The following BRIP1 variants were observed in gnomAD, a reference collection of about 807,000 sequenced individuals.
The protein encoded by BRIP1 is BRCA1 interacting DNA helicase 1.
BRIP1 carries 88 observed loss-of-function variants against 119.7 expected under a neutral mutation model. The ratio of observed to expected loss-of-function variants is 0.74; its 90% CI spans 0.62 to 0.88. The LOEUF (loss-of-function observed/expected upper bound fraction) is 0.88, where lower values mean the gene tolerates loss of function less well. BRIP1 is among the 40% of genes least tolerant of loss of function. The pLI, the probability that BRIP1 is intolerant of heterozygous loss-of-function variation, is 0.00. For missense variants in BRIP1, 1,259 were observed against 1,455.4 expected (o/e 0.87, Z 2.20); for synonymous variants, 443 against 496.5 (o/e 0.89, Z 1.43).
Position 61,681,357 on chromosome 17 carries a change from T to C in BRIP1, c.*1939A>G. The C allele has an allele frequency of 4.7e-6, 1 of 210,992 alleles. No homozygotes were observed. Among genetic ancestry groups the C allele is most frequent in the Non-Finnish European group, 9.6e-6 (1 of 104,022 alleles). The allele number at this position is 210,992 out of a possible 1,614,324, so 13.1% of individuals were successfully genotyped here. ...ACTCAGAATATCAACAGACATTCCT[T>C]TATAGATTCTCAAAGCACAAAGAAA... On this transcript the variant is annotated 3_prime_UTR_variant, in exon 20 of 20. Coordinates refer to ENST00000259008, the MANE Select transcript of BRIP1 (RefSeq NM_032043.3). The surrounding 1 kb of genome is among the most constrained non-coding windows in gnomAD (Gnocchi z 5.1).
chr17:61,797,720 G>T, intron 9 of BRIP1, among the ~76,000 whole-genome samples: 1 of 151,724 alleles, frequency 6.6e-6, no homozygotes, highest in East Asian at 1.9e-4. Context: ...ATATGAATGG[G>T]GTTCTATAAA....
At chr17:61,777,022 G>A (rs2077545099) in intron 13 of BRIP1, among the ~76,000 whole-genome samples, 1 of 152,098 alleles carries the variant, frequency 6.6e-6, no homozygotes, top group African/African-American at 2.4e-5. Flanking sequence ...AAGATCCTTA[G>A]TCATAGAAAA....
chr17:61,735,339 T>C lies in BRIP1; in HGVS notation c.2379+7674A>G, dbSNP rs1189012060. On this transcript the variant is annotated intron_variant, in intron 16 of 19. Transcript: ENST00000259008. The surrounding 1 kb of genome is among the most constrained non-coding windows in gnomAD (Gnocchi z 4.4). ...TCCCATGATTTTTTAATTTTATTTT[T>C]TTCCTCACAATTTTATTAAGTTGTG... 6.6e-6 allele frequency among the ~76,000 whole-genome samples: 1 copy of C among 152,208 alleles called. No individual in the cohort carries two copies. The highest frequency in any genetic ancestry group is 2.4e-5 in the African/African-American group (1 of 41,448).
In BRIP1 at chr17:61,708,244, A is replaced by G. The variant is rs540635032; in HGVS notation, c.2492+7707T>C. 7.7e-4 allele frequency among the ~76,000 whole-genome samples: 115 copies of G among 149,304 alleles called. No individual in the cohort carries two copies. The highest frequency in any genetic ancestry group is 1.4e-3 in the Non-Finnish European group (91 of 67,192). On this transcript the variant is annotated intron_variant, in intron 17 of 19. Coordinates refer to ENST00000259008, the MANE Select transcript of BRIP1 (RefSeq NM_032043.3). This position sits in a 1 kb window ranked among gnomAD's most constrained non-coding sequence, Gnocchi z 4.4. ...AATGTAGTCCAAAAATATTAAATGG[A>G]AAATTCCAGAAATAATTCATACATT...
rs752191863 is a variant in BRIP1, at chr17:61,799,391, G to A, written c.1141-92C>T. The A allele has an allele frequency of 1.2e-5, 12 of 975,458 alleles. No homozygotes were observed. The highest frequency in any genetic ancestry group is 1.8e-5 in the Non-Finnish European group (12 of 648,660). The allele number at this position is 975,458 out of a possible 1,614,324, so 60.4% of individuals were successfully genotyped here. A position where few individuals can be genotyped will look rare whatever the true frequency, so the allele number is the denominator to read the frequency against. On this transcript the variant is annotated intron_variant, in intron 8 of 19. Transcript: ENST00000259008. This position sits in a 1 kb window ranked among gnomAD's most constrained non-coding sequence, Gnocchi z 5.1. Reference sequence around the variant, plus strand: ...ATTTCATTTTAAAATTCACACTATAGGCCAATATTGCAAATGCAATTACAT... The same window carrying A: ...ATTTCATTTTAAAATTCACACTATAAGCCAATATTGCAAATGCAATTACAT...
At position 61,834,381 on chromosome 17, in the gene BRIP1, G is replaced by T. The variant is rs541840942; in HGVS notation, c.627+12720C>A. Among the ~76,000 whole-genome samples the T allele has an allele frequency of 6.6e-6, 1 of 151,916 alleles. No homozygotes were observed. The highest frequency in any genetic ancestry group is 2.4e-5 in the African/African-American group (1 of 41,324). On this transcript the variant is annotated intron_variant, in intron 6 of 19. Coordinates refer to ENST00000259008, the MANE Select transcript of BRIP1 (RefSeq NM_032043.3). The surrounding 1 kb of genome is among the most constrained non-coding windows in gnomAD (Gnocchi z 4.4). ...ATTGCAGGAGTGAGCCACCACGCTC[G>T]GCCCAATAATTACGATTTTTTTGAG... is the stretch of plus-strand genomic sequence containing the variant.
Position 61,742,849 on chromosome 17 carries a change from A to G in BRIP1, c.2379+164T>C, listed in dbSNP as rs1335000856. ...AACAAGTGACCACATGCTGTTGGAA[A>G]AATGGTGCTGAAAGACTTGCACAAT... is the stretch of plus-strand genomic sequence containing the variant. On this transcript the variant is annotated intron_variant, in intron 16 of 19. Coordinates refer to ENST00000259008, the MANE Select transcript of BRIP1 (RefSeq NM_032043.3). This position sits in a 1 kb window ranked among gnomAD's most constrained non-coding sequence, Gnocchi z 4.7. Among the ~76,000 whole-genome samples the G allele has an allele frequency of 1.3e-5, 2 of 152,212 alleles. No homozygotes were observed. Among genetic ancestry groups the G allele is most frequent in the African/African-American group, 4.8e-5 (2 of 41,448 alleles).
At chr17:61,847,656 G>A (rs1353953375) in intron 5 of BRIP1, among the ~76,000 whole-genome samples, 2 of 152,044 alleles carry the variant, frequency 1.3e-5, no homozygotes, top group African/African-American at 4.8e-5. Flanking sequence ...TTTCCTACAG[G>A]ATGGAATAAA....
rs966280853 is a variant in BRIP1, at chr17:61,823,307, C to T, written c.628-14550G>A. 1.8e-4 allele frequency among the ~76,000 whole-genome samples: 27 copies of T among 152,198 alleles called. No individual in the cohort carries two copies. The highest frequency in any genetic ancestry group is 6.5e-4 in the African/African-American group (27 of 41,450). On this transcript the variant is annotated intron_variant, in intron 6 of 19. Coordinates refer to ENST00000259008, the MANE Select transcript of BRIP1 (RefSeq NM_032043.3). The surrounding 1 kb of genome is among the most constrained non-coding windows in gnomAD (Gnocchi z 4.8). ...TTTAGCCATACGAAAAAACAGAAAT[C>T]TTATCTTGCACCATAAACTACTAAC...
Position 61,859,842 on chromosome 17 carries a change from G to A in BRIP1, c.159C>T (p.Ser53=), listed in dbSNP as rs779686432. 3.1e-6 allele frequency: 5 copies of A among 1,613,984 alleles called. No individual in the cohort carries two copies. The Admixed American group carries it at 8.3e-5, about 27-fold the overall frequency. Residue 53 remains serine, a synonymous_variant, in exon 3 of 20, where the codon AGC becomes AGT. Transcript: ENST00000259008. ...LLESPTGSGK[S]LALLCSALAW... is the part of the protein sequence containing the mutation. ...CTAAAGCAGAACAAAGTAAGGCTAA[G>A]CTTTTTCCACTTCCTGTGGGACTCT... is the stretch of plus-strand genomic sequence containing the variant.
rs2061271500 is a variant in BRIP1, at chr17:61,681,569, TA to T, written c.*1726del. 4.9e-6 allele frequency: 1 copy of T among 204,372 alleles called. No individual in the cohort carries two copies. The highest frequency in any genetic ancestry group is 1.0e-5 in the Non-Finnish European group (1 of 99,548). The allele number at this position is 204,372 out of a possible 1,614,324, so 12.7% of individuals were successfully genotyped here. ...ACTATCCCTATCTGTGGTTTAAGAA[TA>T]ATACCAGAGGAGATAAATTGTTTCA... is the stretch of plus-strand genomic sequence containing the variant. On this transcript the variant is annotated 3_prime_UTR_variant, in exon 20 of 20. Transcript: ENST00000259008. This position sits in a 1 kb window ranked among gnomAD's most constrained non-coding sequence, Gnocchi z 5.1.
At position 61,831,576 on chromosome 17, in the gene BRIP1, T is replaced by C. The variant is rs1226615841; in HGVS notation, c.627+15525A>G. ...AGTACATGTCAGAATTTCCTTCCTT[T>C]TAAAGGCTCAATAATATTCCATTGT... On this transcript the variant is annotated intron_variant, in intron 6 of 19. Coordinates refer to ENST00000259008, the MANE Select transcript of BRIP1 (RefSeq NM_032043.3). This position sits in a 1 kb window ranked among gnomAD's most constrained non-coding sequence, Gnocchi z 4.1. Among the ~76,000 whole-genome samples the C allele has an allele frequency of 6.6e-6, 1 of 152,248 alleles. No individual in the cohort carries two copies. The highest frequency in any genetic ancestry group is 6.5e-5 in the Admixed American group (1 of 15,282).
intron 6 of BRIP1, among the ~76,000 whole-genome samples, chr17:61,838,090 C>T (rs2078601262): frequency 6.6e-6 from 1 of 152,104 alleles, no homozygotes; most frequent in African/African-American, 2.4e-5. Context: ...AAAAGTAATG[C>T]AACTGCAGAT....
At position 61,843,714 on chromosome 17, in the gene BRIP1, G is replaced by A. The variant is rs2078689643; in HGVS notation, c.627+3387C>T. 6.6e-6 allele frequency among the ~76,000 whole-genome samples: 1 copy of A among 152,140 alleles called. No individual in the cohort carries two copies. The highest frequency in any genetic ancestry group is 1.5e-5 in the Non-Finnish European group (1 of 68,024). On this transcript the variant is annotated intron_variant, in intron 6 of 19. Transcript: ENST00000259008. This position sits in a 1 kb window ranked among gnomAD's most constrained non-coding sequence, Gnocchi z 5.7. ...CTTCTTGAGGCCCTCACCAGAAGCA[G>A]ATGCTGACACCATGCTTCCTGCACA...
Position 61,804,923 on chromosome 17 carries a change from A to G in BRIP1, c.919-3449T>C, listed in dbSNP as rs1293792867. 6.7e-6 allele frequency among the ~76,000 whole-genome samples: 1 copy of G among 150,126 alleles called. No homozygotes were observed. Among genetic ancestry groups the G allele is most frequent in the East Asian group, 2.0e-4 (1 of 5,066 alleles). ...TGCTTATAATCCTAACACTTTGAGAAGCCAAGGCAGGATGAAATGTCTCTC... is the reference window on the plus strand; with the variant it reads ...TGCTTATAATCCTAACACTTTGAGAGGCCAAGGCAGGATGAAATGTCTCTC... On this transcript the variant is annotated intron_variant, in intron 7 of 19. Coordinates refer to ENST00000259008, the MANE Select transcript of BRIP1 (RefSeq NM_032043.3). The surrounding 1 kb of genome is among the most constrained non-coding windows in gnomAD (Gnocchi z 4.5).
At chr17:61,727,788 CTCTA>C (rs1448013283) in intron 16 of BRIP1, among the ~76,000 whole-genome samples, 308 of 145,484 alleles carry the variant, frequency 2.1e-3, no homozygotes, top group African/African-American at 7.5e-3. Context: ...CTCTCTCTCT[CTCTA>C]TATATATATA....
At chr17:61,727,990 G>C (rs994057716) in intron 16 of BRIP1, among the ~76,000 whole-genome samples, 1 of 151,622 alleles carries the variant, frequency 6.6e-6, no homozygotes, top group Non-Finnish European at 1.5e-5. Flanking sequence ...TATGACGCCC[G>C]GCTAATTTTT....
rs929258316 is a variant in BRIP1, at chr17:61,860,513, A to G, written c.94-606T>C. Among the ~76,000 whole-genome samples the G allele has an allele frequency of 6.6e-6, 1 of 152,164 alleles. No individual in the cohort carries two copies. Among genetic ancestry groups the G allele is most frequent in the African/African-American group, 2.4e-5 (1 of 41,436 alleles). ...CGTCTCTACTAAAAATCCAAAAATT[A>G]GCTGGGCGTGGTGGCGCATCCCTGT... On this transcript the variant is annotated intron_variant, in intron 2 of 19. Transcript: ENST00000259008. This position sits in a 1 kb window ranked among gnomAD's most constrained non-coding sequence, Gnocchi z 4.1.
chr17:61,764,725 A>G (rs1020398350), intron 14 of BRIP1, among the ~76,000 whole-genome samples: 21 of 152,146 alleles, frequency 1.4e-4, no homozygotes, highest in African/African-American at 5.1e-4. Context: ...CATAAGTTAT[A>G]TTTAACTAAT....
Sources: gnomAD v4.1 joint callset for allele counts (sites outside exome capture counted in the v4.1 genomes callset) on GRCh38, gnomAD v4.1.1 for gene constraint, Gnocchi (gnomAD v3.1) non-coding constraint, MANE v1.5 for transcripts, NCBI Gene and HGNC (gene_info 2026-07-23, HGNC 2026-07-21) for gene names.